CNTNAP2: variants seen among roughly 807,000 people sequenced by gnomAD.
CNTNAP2 encodes contactin associated protein 2, also known as contactin-associated protein-like 2.
CNTNAP2 carries 98 observed loss-of-function variants against 155.2 expected under a neutral mutation model. The observed-to-expected ratio is 0.63, with a 90% confidence interval of 0.54 to 0.75. CNTNAP2 has a LOEUF of 0.75. Among genes scored for constraint, CNTNAP2 ranks in the 30% least tolerant of loss-of-function variants. The pLI is 0.00. For synonymous variants in CNTNAP2, 651 were observed against 631.2 expected, an observed-to-expected ratio of 1.03 and a Z score of -0.47; for missense variants, 1,727 against 1,688.1, an observed-to-expected ratio of 1.02 and a Z score of -0.40.
intron 14 of CNTNAP2, among the ~76,000 whole-genome samples, chr7:147,905,898 CA>C (rs1799948624): frequency 6.7e-6 from 1 of 149,782 alleles, no homozygotes; most frequent in Non-Finnish European, 1.5e-5. Flanking sequence ...TCTCAAAAAA[CA>C]AACAAACAAA....
intron 1 of CNTNAP2, among the ~76,000 whole-genome samples, chr7:146,702,061 ATCTTTT>A (rs1800886952): frequency 6.6e-6 from 1 of 152,168 alleles, no homozygotes; most frequent in Non-Finnish European, 1.5e-5. Context: ...GCAAATGCAA[ATCTTTT>A]TCTTCATCAT....
intron 1 of CNTNAP2, among the ~76,000 whole-genome samples, chr7:146,674,611 T>C (rs915656645): frequency 6.6e-6 from 1 of 152,126 alleles, no homozygotes; most frequent in Non-Finnish European, 1.5e-5. Flanking sequence ...ATTTATTTGA[T>C]GTGTAGGGGC....
chr7:147,946,811 T>C (rs1274653865), intron 14 of CNTNAP2, among the ~76,000 whole-genome samples: 1 of 152,066 alleles, frequency 6.6e-6, no homozygotes, highest in Non-Finnish European at 1.5e-5. Flanking sequence ...CTTCACCCTC[T>C]AAAGGTTAGC....
At chr7:147,023,790 T>C (rs1798855289) in intron 3 of CNTNAP2, among the ~76,000 whole-genome samples, 1 of 152,228 alleles carries the variant, frequency 6.6e-6, no homozygotes, top group South Asian at 2.1e-4. Context: ...CCACTGGAGA[T>C]GTAATTGAGT....
At chr7:148,305,308 T>C (rs1196127062) in intron 21 of CNTNAP2, among the ~76,000 whole-genome samples, 2 of 151,796 alleles carry the variant, frequency 1.3e-5, no homozygotes, top group Non-Finnish European at 2.9e-5. Context: ...GTTTTCTTCA[T>C]TTGCTTAATT....
intron 18 of CNTNAP2, among the ~76,000 whole-genome samples, chr7:148,197,383 A>G (rs1262893180): frequency 6.6e-6 from 1 of 152,244 alleles, no homozygotes; most frequent in Non-Finnish European, 1.5e-5. Context: ...CTGAAACTAT[A>G]TATTAAAAAC....
In CNTNAP2 at chr7:147,745,048, G is replaced by A. The variant is rs1187351044; in HGVS notation, c.2098+105742G>A. Among the ~76,000 whole-genome samples the A allele has an allele frequency of 2.0e-5, 3 of 151,864 alleles. No homozygotes were observed. In the East Asian group the frequency reaches 5.8e-4, roughly 29 times the overall value. ...TAAGTTAACATAAAAACATTTCTGA[G>A]AGAAAAAAAAGAATACTATGTTGGT... is the stretch of plus-strand genomic sequence containing the variant. On this transcript the variant is annotated intron_variant, in intron 13 of 23. Coordinates refer to ENST00000361727, the MANE Select transcript of CNTNAP2 (RefSeq NM_014141.6).
chr7:146,755,739 G>T lies in CNTNAP2; in HGVS notation c.98-18532G>T, dbSNP rs1234897176. 1.3e-5 allele frequency among the ~76,000 whole-genome samples: 2 copies of T among 151,936 alleles called. 1 individual carries two copies. The highest frequency in any genetic ancestry group is 2.9e-5 in the Non-Finnish European group (2 of 67,848). On this transcript the variant is annotated intron_variant, in intron 1 of 23. Transcript: ENST00000361727. ...AAGTGCATCAAGAAAATGTAACAGT[G>T]TGCAGAATGAATTTGTAAACTGATT...
chr7:147,412,063 G>T (rs553073419), intron 10 of CNTNAP2, among the ~76,000 whole-genome samples: 50 of 152,176 alleles, frequency 3.3e-4, no homozygotes, highest in Non-Finnish European at 6.2e-4. Flanking sequence ...GAGTGAAGAT[G>T]ATCCAGCCTC....
chr7:148,372,844 CATT>C (rs1458725030), intron 21 of CNTNAP2, among the ~76,000 whole-genome samples: 2 of 152,304 alleles, frequency 1.3e-5, no homozygotes. Context: ...AACACAAACA[CATT>C]ATACAGCTGT....
At chr7:148,134,088 A>G (rs1386981220) in intron 16 of CNTNAP2, among the ~76,000 whole-genome samples, 2 of 152,198 alleles carry the variant, frequency 1.3e-5, no homozygotes, top group East Asian at 3.9e-4. Context: ...AGAGTTTGAC[A>G]AATGAAATCT....
intron 15 of CNTNAP2, among the ~76,000 whole-genome samples, chr7:148,056,930 T>G (rs1303844704): frequency 6.6e-6 from 1 of 152,212 alleles, no homozygotes; most frequent in Non-Finnish European, 1.5e-5. Flanking sequence ...CCAATCCTCA[T>G]GTAAGCTTTG....
chr7:146,467,272 C>T (rs1189667116), intron 1 of CNTNAP2, among the ~76,000 whole-genome samples: 3 of 152,000 alleles, frequency 2.0e-5, no homozygotes, highest in Admixed American at 6.5e-5. Context: ...ATTATTTTGC[C>T]TTTAAGAAAA....
intron 1 of CNTNAP2, among the ~76,000 whole-genome samples, chr7:146,771,938 C>T (rs1448556878): frequency 1.3e-5 from 2 of 152,124 alleles, no homozygotes; most frequent in African/African-American, 4.8e-5. Context: ...GACCACTACT[C>T]TAAAAATTAA....
At chr7:148,087,297 A>G (rs941128740) in intron 15 of CNTNAP2, among the ~76,000 whole-genome samples, 1 of 152,140 alleles carries the variant, frequency 6.6e-6, no homozygotes, top group African/African-American at 2.4e-5. Context: ...CTATTGTACT[A>G]CCCACTATAG....
intron 20 of CNTNAP2, among the ~76,000 whole-genome samples, chr7:148,259,321 A>G (rs902931961): frequency 6.7e-6 from 1 of 149,946 alleles, no homozygotes; most frequent in East Asian, 2.0e-4. Context: ...GCGCCACTGC[A>G]CTCTAGCCTG....
intron 8 of CNTNAP2, among the ~76,000 whole-genome samples, chr7:147,148,568 C>T (rs1428788325): frequency 6.6e-6 from 1 of 152,152 alleles, no homozygotes; most frequent in Non-Finnish European, 1.5e-5. Context: ...AATGAAGCTG[C>T]GGACCCTCAC....
At chr7:147,284,043 T>C (rs1805117270) in intron 8 of CNTNAP2, among the ~76,000 whole-genome samples, 4 of 151,784 alleles carry the variant, frequency 2.6e-5, no homozygotes, top group Admixed American at 2.0e-4. Flanking sequence ...TCTCTGTAGG[T>C]GTTCCATGGC....
chr7:146,979,221 C>T (rs1385861748), intron 3 of CNTNAP2, among the ~76,000 whole-genome samples: 4 of 152,052 alleles, frequency 2.6e-5, no homozygotes, highest in Admixed American at 2.0e-4. Flanking sequence ...CTCTAAAATC[C>T]ACATTCCTTC....
Sources: gnomAD v4.1 joint callset for allele counts (sites outside exome capture counted in the v4.1 genomes callset) on GRCh38, gnomAD v4.1.1 for gene constraint, MANE v1.5 for transcripts, NCBI Gene and HGNC (gene_info 2026-07-23, HGNC 2026-07-21) for gene names.